The following NR5A2 variants were observed in gnomAD, a reference collection of about 807,000 sequenced individuals.
The protein encoded by NR5A2 is nuclear receptor subfamily 5 group A member 2, also known as CYP7A promoter-binding factor.
Under a neutral mutation model 62.7 loss-of-function variants are expected in NR5A2, and 26 were observed. That is an observed-to-expected ratio of 0.41 (90% confidence interval 0.30 to 0.58). The LOEUF is 0.58. NR5A2 is among the 20% of genes least tolerant of loss of function. The pLI is 0.22. For synonymous variants in NR5A2, 246 were observed against 241.7 expected, an observed-to-expected ratio of 1.02 and a Z score of -0.16; for missense variants, 541 against 669.1, an observed-to-expected ratio of 0.81 and a Z score of 2.11.
At chr1:200,159,633 T>A (rs957146592) in intron 7 of NR5A2, among the ~76,000 whole-genome samples, 1 of 144,542 alleles carries the variant, frequency 6.9e-6, no homozygotes, top group African/African-American at 2.6e-5. Context: ...AAAGATTTTT[T>A]AAATTATTTA....
intron 5 of NR5A2, among the ~76,000 whole-genome samples, chr1:200,049,672 G>T (rs1000495215): frequency 2.6e-5 from 4 of 152,188 alleles, no homozygotes; most frequent in Non-Finnish European, 4.4e-5. Flanking sequence ...TCTTGAATTT[G>T]ATTTCCAAGT....
intron 6 of NR5A2, among the ~76,000 whole-genome samples, chr1:200,117,603 CACA>C (rs1441166406): frequency 6.6e-6 from 1 of 152,136 alleles, no homozygotes; most frequent in Non-Finnish European, 1.5e-5. Context: ...TAGAACTATA[CACA>C]ACAATATTTA....
At chr1:200,059,311 C>T (rs1663079715) in intron 5 of NR5A2, among the ~76,000 whole-genome samples, 1 of 152,146 alleles carries the variant, frequency 6.6e-6, no homozygotes, top group Admixed American at 6.5e-5. Context: ...TCCTCCCCAG[C>T]TTGTGAATAC....
chr1:200,164,549 C>CTT (rs35458399), intron 7 of NR5A2, among the ~76,000 whole-genome samples: 7,011 of 139,558 alleles, frequency 0.05, 242 homozygotes, highest in East Asian at 0.092. Context: ...TTTTAATAGA[C>CTT]TTTTTTTTTT....
At chr1:200,036,144 G>C (rs1204146454) in intron 1 of NR5A2, among the ~76,000 whole-genome samples, 1 of 152,152 alleles carries the variant, frequency 6.6e-6, no homozygotes, top group Non-Finnish European at 1.5e-5. Context: ...CCGGCGTTTA[G>C]ACCACACAGA....
intron 5 of NR5A2, among the ~76,000 whole-genome samples, chr1:200,095,639 A>G (rs1045323891): frequency 4.0e-5 from 6 of 150,962 alleles, no homozygotes; most frequent in East Asian, 3.9e-4. Flanking sequence ...TCCAAGCTCC[A>G]CCTCCTGGGT....
At chr1:200,135,385 G>A (rs1055907517) in intron 7 of NR5A2, among the ~76,000 whole-genome samples, 4 of 152,138 alleles carry the variant, frequency 2.6e-5, no homozygotes, top group Non-Finnish European at 4.4e-5. Flanking sequence ...GCCGGGTGTG[G>A]TGGCATGTGC....
chr1:200,072,810 T>G (rs1426751357), intron 5 of NR5A2, among the ~76,000 whole-genome samples: 1 of 152,092 alleles, frequency 6.6e-6, no homozygotes, highest in African/African-American at 2.4e-5. Flanking sequence ...AAAGAAGATG[T>G]CCAGAAATAG....
intron 1 of NR5A2, among the ~76,000 whole-genome samples, chr1:200,031,706 G>A (rs569210105): frequency 1.3e-5 from 2 of 151,570 alleles, no homozygotes; most frequent in African/African-American, 4.8e-5. Flanking sequence ...AGCCTCCCAG[G>A]CAGCTGGGAT....
chr1:200,167,856 C>T (rs1214969316), intron 7 of NR5A2, among the ~76,000 whole-genome samples: 1 of 152,194 alleles, frequency 6.6e-6, no homozygotes, highest in Non-Finnish European at 1.5e-5. Context: ...CATTCTAACT[C>T]ATCTTTCAAA....
chr1:200,145,769 G>T (rs1451660384), intron 7 of NR5A2, among the ~76,000 whole-genome samples: 1 of 152,098 alleles, frequency 6.6e-6, no homozygotes, highest in Admixed American at 6.6e-5. Context: ...GACTACAGGT[G>T]CATGCCACCA....
Position 200,039,564 on chromosome 1 carries a change from A to C in NR5A2, c.65-94A>C. 1 of 1,570,096 alleles carries C rather than the reference A, an allele frequency of 6.4e-7. No individual in the cohort carries two copies. Among genetic ancestry groups the C allele is most frequent in the Non-Finnish European group, 8.7e-7 (1 of 1,152,914 alleles). ...CCGGCAGCCCCGAGGAGGCGGAGGC[A>C]CGCTCCGGCGAGGCGAGAGGGTTGG... On this transcript the variant is annotated intron_variant, in intron 1 of 7. Coordinates refer to ENST00000367362, the MANE Select transcript of NR5A2 (RefSeq NM_205860.3). The surrounding 1 kb of genome is among the most constrained non-coding windows in gnomAD (Gnocchi z 5.1).
chr1:200,067,634 G>A lies in NR5A2; in HGVS notation c.1110+18816G>A, dbSNP rs189666472. Among the ~76,000 whole-genome samples the A allele has an allele frequency of 3.2e-3, 494 of 152,342 alleles. 2 individuals carry two copies. The highest frequency in any genetic ancestry group is 5.4e-3 in the Non-Finnish European group (368 of 68,044). ...AGACACGAGTCTGCTTGGGGCTGGA[G>A]GGTGGGAGGAGGGAGACAGCAGAAA... On this transcript the variant is annotated intron_variant, in intron 5 of 7. Transcript: ENST00000367362.
At chr1:200,160,340 T>C (rs1473529339) in intron 7 of NR5A2, among the ~76,000 whole-genome samples, 3 of 152,250 alleles carry the variant, frequency 2.0e-5, no homozygotes, top group African/African-American at 7.2e-5. Flanking sequence ...CAACGGTTTA[T>C]TCTGAAGATA....
At chr1:200,036,332 A>G (rs2817003) in intron 1 of NR5A2, among the ~76,000 whole-genome samples, 4,136 of 152,198 alleles carry the variant, frequency 0.027, 201 homozygotes, top group African/African-American at 0.095. Flanking sequence ...GGACGCCCAG[A>G]CCCGTCCAAG....
rs1294957180 is a variant in NR5A2 at position 200,120,937 on chromosome 1, T to G, written c.1360T>G (p.Leu454Val). 1 of 1,614,040 alleles carries G rather than the reference T, an allele frequency of 6.2e-7. No homozygotes were observed. The highest frequency in any genetic ancestry group is 8.5e-7 in the Non-Finnish European group (1 of 1,179,960). Residue 454 changes from leucine to valine, a missense_variant, in exon 7 of 8, where the codon TTG becomes GTG. Leu to Val is a conservative substitution (Grantham distance 32, BLOSUM62 1). This residue lies in a region of NR5A2 where 379 missense variants were observed against 442.0 expected (regional missense o/e 0.86). Coordinates refer to ENST00000367362, the MANE Select transcript of NR5A2 (RefSeq NM_205860.3). Reference protein sequence around the residue: ...DQREFVCLKFLVLFSLDVKNL... With the variant: ...DQREFVCLKFVVLFSLDVKNL... ...ACGAGAGTTCGTATGTCTGAAATTCTTGGTGCTCTTTAGTTTAGGTAAGAA... is the reference window on the plus strand; with the variant it reads ...ACGAGAGTTCGTATGTCTGAAATTCGTGGTGCTCTTTAGTTTAGGTAAGAA...
intron 5 of NR5A2, among the ~76,000 whole-genome samples, chr1:200,094,409 T>G (rs998907009): frequency 4.0e-5 from 6 of 151,588 alleles, no homozygotes; most frequent in Non-Finnish European, 7.4e-5. Context: ...GGTCTTGAAC[T>G]GCTGGACTCA....
chr1:200,048,061 CCA>C lies in NR5A2; in HGVS notation c.464-104_464-103del. ...TTGTGGGCTATTGTAACGAAAACAA[CCA>C]CACACATACCACTTCTTGTCGATTT... On this transcript the variant is annotated intron_variant, in intron 4 of 7. Transcript: ENST00000367362. This position sits in a 1 kb window ranked among gnomAD's most constrained non-coding sequence, Gnocchi z 4.8. 1 of 1,032,692 alleles carries C rather than the reference CCA, an allele frequency of 9.7e-7. No homozygotes were observed. Among genetic ancestry groups the C allele is most frequent in the Non-Finnish European group, 1.4e-6 (1 of 709,382 alleles). 64.0% of individuals were successfully genotyped at this position (1,032,692 alleles called of 1,614,324 possible).
chr1:200,163,825 G>A (rs974117050), intron 7 of NR5A2, among the ~76,000 whole-genome samples: 2 of 152,140 alleles, frequency 1.3e-5, no homozygotes, highest in Non-Finnish European at 2.9e-5. Context: ...TGTAAGGTCA[G>A]TCATGAACAA....
Sources: allele counts gnomAD v4.1 joint callset (sites outside exome capture counted in the v4.1 genomes callset), GRCh38; gene constraint gnomAD v4.1.1; regional missense constraint gnomAD v4.1.1; non-coding constraint Gnocchi (gnomAD v3.1); transcripts MANE v1.5; gene names NCBI Gene and HGNC (gene_info 2026-07-23, HGNC 2026-07-21).